The following GRIK2 variants were observed in gnomAD, a reference collection of about 807,000 sequenced individuals.
The protein encoded by GRIK2 is glutamate ionotropic receptor kainate type subunit 2, also known as glutamate receptor ionotropic, kainate 2.
In GRIK2, 32 loss-of-function variants were observed where a neutral mutation model predicts 100.3. The ratio of observed to expected loss-of-function variants is 0.32; its 90% confidence interval spans 0.24 to 0.43. GRIK2 has a LOEUF of 0.43. Ranked by LOEUF, GRIK2 falls within the 20% of genes least tolerant of loss-of-function variation. The pLI, the probability that GRIK2 is intolerant of heterozygous loss-of-function variation, is 1.00. For missense variants in GRIK2, 843 were observed against 1,114.9 expected, an observed-to-expected ratio of 0.76 and a Z score of 3.47; for synonymous variants, 417 against 389.4, an observed-to-expected ratio of 1.07 and a Z score of -0.83.
intron 4 of GRIK2, among the ~76,000 whole-genome samples, chr6:101,663,601 G>C (rs550750582): frequency 3.9e-5 from 6 of 152,340 alleles, no homozygotes; most frequent in African/African-American, 1.4e-4. Flanking sequence ...AACTACCTCT[G>C]TGTCTTCTTT....
chr6:101,867,569 A>G (rs1401306089), intron 11 of GRIK2, among the ~76,000 whole-genome samples: 2 of 151,724 alleles, frequency 1.3e-5, no homozygotes, highest in African/African-American at 2.4e-5. Context: ...TAGAGCCTCA[A>G]CAACCATTTA....
At chr6:101,611,673 G>A (rs1779680989) in intron 2 of GRIK2, among the ~76,000 whole-genome samples, 1 of 151,638 alleles carries the variant, frequency 6.6e-6, no homozygotes, top group African/African-American at 2.4e-5. Context: ...AAAGCAAGTA[G>A]GAAGGGTGGG....
At chr6:101,726,555 A>T (rs544547381) in intron 7 of GRIK2, among the ~76,000 whole-genome samples, 1 of 152,144 alleles carries the variant, frequency 6.6e-6, no homozygotes, top group South Asian at 2.1e-4. Flanking sequence ...TATGACAGTT[A>T]TATCGATGAT....
chr6:102,000,275 G>C (rs1259606589), intron 14 of GRIK2, among the ~76,000 whole-genome samples: 3 of 103,384 alleles, frequency 2.9e-5, no homozygotes, highest in Admixed American at 2.6e-4. Flanking sequence ...TTTGTTGAAG[G>C]CTTTTTTTTT....
At chr6:101,984,614 A>AAC (rs10678285) in intron 14 of GRIK2, among the ~76,000 whole-genome samples, 12,697 of 129,140 alleles carry the variant, frequency 0.098, 699 homozygotes, top group African/African-American at 0.15. Flanking sequence ...TACACATTAA[A>AAC]ACACACACAC....
intron 2 of GRIK2, among the ~76,000 whole-genome samples, chr6:101,592,523 G>A (rs1778701750): frequency 6.8e-6 from 1 of 147,886 alleles, no homozygotes; most frequent in South Asian, 2.1e-4. Context: ...TCCATCAGCT[G>A]AAGGAATGTA....
chr6:101,886,691 C>A (rs1026416454), intron 11 of GRIK2, among the ~76,000 whole-genome samples: 6 of 151,788 alleles, frequency 4.0e-5, no homozygotes, highest in African/African-American at 1.5e-4. Flanking sequence ...TCATTTTATA[C>A]AATAGATCTC....
chr6:101,679,028 C>A (rs1251375846), intron 5 of GRIK2, among the ~76,000 whole-genome samples: 1 of 152,048 alleles, frequency 6.6e-6, no homozygotes, highest in Non-Finnish European at 1.5e-5. Flanking sequence ...TACCTCCATC[C>A]AGATTTATCA....
Position 101,442,618 on chromosome 6 carries a change from C to A in GRIK2, c.115+43226C>A, listed in dbSNP as rs547526230. Among the ~76,000 whole-genome samples, 5 of 152,252 alleles carry A rather than the reference C, an allele frequency of 3.3e-5. No homozygotes were observed. The South Asian group carries it at 1.0e-3, about 32-fold the overall frequency. ...ACAAAGAGTGATGGAGGGGACAGAACAATGGAGAACCACTTTGAACCTAGA... is the reference window on the plus strand; with the variant it reads ...ACAAAGAGTGATGGAGGGGACAGAAAAATGGAGAACCACTTTGAACCTAGA... On this transcript the variant is annotated intron_variant, in intron 2 of 16. Coordinates refer to ENST00000369134, the MANE Select transcript of GRIK2 (RefSeq NM_021956.5).
chr6:101,790,155 A>T (rs975359112), intron 7 of GRIK2, among the ~76,000 whole-genome samples: 1 of 152,110 alleles, frequency 6.6e-6, no homozygotes, highest in Non-Finnish European at 1.5e-5. Context: ...TCTGCAAACA[A>T]GGACAATTTG....
intron 7 of GRIK2, among the ~76,000 whole-genome samples, chr6:101,689,829 T>C (rs75399776): frequency 0.026 from 3,932 of 152,276 alleles, 165 homozygotes; most frequent in African/African-American, 0.089. Flanking sequence ...TGTAAAACTC[T>C]TTCCATACTC....
chr6:101,533,364 G>A (rs1328113874), intron 2 of GRIK2, among the ~76,000 whole-genome samples: 3 of 151,708 alleles, frequency 2.0e-5, no homozygotes, highest in African/African-American at 4.8e-5. Context: ...TAACAGTATA[G>A]GGATTAATGT....
Position 101,906,996 on chromosome 6 carries a change from A to G in GRIK2, c.1748+17133A>G, listed in dbSNP as rs147437716. On this transcript the variant is annotated intron_variant, in intron 12 of 16. Transcript: ENST00000369134. ...ACATGGTAAAATGACTACAATCATA[A>G]AGATTTTGCTAACAGTTTCTCAGAG... 1.3e-4 allele frequency among the ~76,000 whole-genome samples: 20 copies of G among 151,870 alleles called. No homozygotes were observed. The East Asian group carries it at 3.7e-3, about 28-fold the overall frequency.
chr6:101,715,948 A>G (rs1774033726), intron 7 of GRIK2, among the ~76,000 whole-genome samples: 1 of 151,834 alleles, frequency 6.6e-6, no homozygotes, highest in African/African-American at 2.4e-5. Context: ...AGAGACAAAA[A>G]CACAGTGTCA....
chr6:101,860,169 C>A (rs1784655760), intron 11 of GRIK2, among the ~76,000 whole-genome samples: 1 of 151,802 alleles, frequency 6.6e-6, no homozygotes, highest in African/African-American at 2.4e-5. Flanking sequence ...TATGAAGATG[C>A]AACTTCAGAT....
chr6:101,973,341 A>T (rs545308795), intron 14 of GRIK2, among the ~76,000 whole-genome samples: 1 of 152,074 alleles, frequency 6.6e-6, no homozygotes, highest in African/African-American at 2.4e-5. Flanking sequence ...TTAATAAATG[A>T]CACCACTTTT....
chr6:101,946,255 A>T (rs992760338), intron 14 of GRIK2, among the ~76,000 whole-genome samples: 13 of 152,082 alleles, frequency 8.5e-5, no homozygotes, highest in Admixed American at 3.9e-4. Flanking sequence ...TATATATAAT[A>T]TGTATGTGTG....
At chr6:101,637,758 C>T (rs189192997) in intron 4 of GRIK2, among the ~76,000 whole-genome samples, 1 of 152,212 alleles carries the variant, frequency 6.6e-6, no homozygotes, top group Non-Finnish European at 1.5e-5. Flanking sequence ...TCATGCCTCT[C>T]TGATTTTAAA....
chr6:102,007,027 T>C (rs909662019), intron 14 of GRIK2, among the ~76,000 whole-genome samples: 4 of 152,166 alleles, frequency 2.6e-5, no homozygotes, highest in African/African-American at 9.7e-5. Flanking sequence ...TTTAAGAACC[T>C]ATTATGTATA....
Sources: gnomAD v4.1 joint callset for allele counts (sites outside exome capture counted in the v4.1 genomes callset) on GRCh38, gnomAD v4.1.1 for gene constraint, MANE v1.5 for transcripts, NCBI Gene and HGNC (gene_info 2026-07-23, HGNC 2026-07-21) for gene names.